Variants in CTBP2 observed in about 807,000 individuals in gnomAD.
CTBP2 encodes C-terminal-binding protein 2.
In CTBP2, 30 loss-of-function variants were observed where a neutral mutation model predicts 80.3. The observed-to-expected ratio is 0.37, with a 90% CI of 0.28 to 0.51. The LOEUF (loss-of-function observed/expected upper bound fraction) is 0.51, where lower values mean the gene tolerates loss of function less well. Ranked by LOEUF, CTBP2 falls within the 20% of genes least tolerant of loss-of-function variation. CTBP2 has a pLI of 0.93. For missense variants in CTBP2, 1,212 were observed against 1,375.3 expected, an observed-to-expected ratio of 0.88 and a Z score of 1.88; for synonymous variants, 594 against 587.4, an observed-to-expected ratio of 1.01 and a Z score of -0.16.
chr10:125,007,209 A>G (rs150784575), intron 1 of CTBP2, among the ~76,000 whole-genome samples: 206 of 152,348 alleles, frequency 1.4e-3, no homozygotes, highest in African/African-American at 4.7e-3. Context: ...GCTTGCCCAC[A>G]TTAACTGTGT....
intron 1 of CTBP2, among the ~76,000 whole-genome samples, chr10:125,116,754 G>A (rs187854540): frequency 3.3e-5 from 5 of 152,256 alleles, no homozygotes; most frequent in East Asian, 3.9e-4. Context: ...GTCCCTGAGC[G>A]GATGGCATGG....
At chr10:124,999,095 G>C (rs2134206988) in intron 3 of CTBP2, 1 of 152,438 alleles carries the variant, frequency 6.6e-6, no homozygotes, top group East Asian at 1.9e-4. Context: ...GACAGGTGGA[G>C]ATCCAGAGGC....
chr10:125,038,885 G>T, intron 3 of CTBP2, 112 bp downstream of exon 3: 1 of 1,059,688 alleles, frequency 9.4e-7, no homozygotes, highest in East Asian at 2.4e-5. Flanking sequence ...TGTTGGAATC[G>T]GAGGAGGGAC....
chr10:125,129,625 G>C (rs137982670), intron 1 of CTBP2, among the ~76,000 whole-genome samples: 129 of 152,188 alleles, frequency 8.5e-4, no homozygotes, highest in African/African-American at 2.9e-3. Context: ...CCACCTGTCC[G>C]GTTTTCCTAA....
chr10:125,082,183 C>G (rs547533228), intron 2 of CTBP2, among the ~76,000 whole-genome samples: 1 of 152,238 alleles, frequency 6.6e-6, no homozygotes, highest in Admixed American at 6.5e-5. Flanking sequence ...CTCCTCCCCC[C>G]AGGCAGCCTG....
intron 4 of CTBP2, 180 bp downstream of exon 6, chr10:124,997,784 G>T: frequency 1.6e-6 from 1 of 621,322 alleles, no homozygotes; most frequent in Non-Finnish European, 2.8e-6. Context: ...CCTGCCTCTA[G>T]GGTGAGTTGC....
chr10:125,100,079 G>T (rs1441368664), intron 2 of CTBP2, among the ~76,000 whole-genome samples: 1 of 152,152 alleles, frequency 6.6e-6, no homozygotes, highest in Non-Finnish European at 1.5e-5. Flanking sequence ...CTGTGTTAAC[G>T]GCATGCACAG....
chr10:125,047,048 T>C (rs1961436869), intron 2 of CTBP2, among the ~76,000 whole-genome samples: 1 of 152,198 alleles, frequency 6.6e-6, no homozygotes, highest in Non-Finnish European at 1.5e-5. Context: ...CTAAAGAAAA[T>C]GAGCCATTCT....
chr10:125,089,055 A>T (rs553623696), intron 2 of CTBP2, among the ~76,000 whole-genome samples: 65 of 152,364 alleles, frequency 4.3e-4, no homozygotes, highest in African/African-American at 1.5e-3. Context: ...GCCATGTTCT[A>T]ATTTCTTTAA....
chr10:125,027,935 A>T lies in CTBP2; in HGVS notation c.-176T>A. The T allele has an allele frequency of 7.1e-7, 1 of 1,417,022 alleles. No homozygotes were observed. 87.8% of individuals were successfully genotyped at this position (1,417,022 alleles called of 1,614,324 possible). ...TGAATTATTAATCCTCCGAAACCTT[A>T]GCAGACAAAACATAAGACTCACGGT... On this transcript the variant is annotated 5_prime_UTR_variant, in exon 1 of 9. Coordinates refer to ENST00000309035, the MANE Select transcript of CTBP2 (RefSeq NM_022802.3).
intron 1 of CTBP2, chr10:125,005,525 G>A (rs1253143170): frequency 1.3e-6 from 2 of 1,596,294 alleles, no homozygotes; most frequent in East Asian, 4.5e-5. Flanking sequence ...AGGGACGAGG[G>A]CCAACACCCC....
At chr10:124,998,421 A>C (rs1335553096) in intron 3 of CTBP2, 3 of 530,616 alleles carry the variant, frequency 5.7e-6, no homozygotes, top group Admixed American at 6.5e-5. Flanking sequence ...CTCATGACCA[A>C]CCCAACTCCT....
chr10:125,126,755 A>T (rs1320252915), intron 1 of CTBP2, among the ~76,000 whole-genome samples: 5 of 152,188 alleles, frequency 3.3e-5, no homozygotes, highest in African/African-American at 9.7e-5. Context: ...ATACAGACAC[A>T]CATATACACA....
chr10:125,075,916 A>C (rs1385562011), intron 2 of CTBP2, among the ~76,000 whole-genome samples: 1 of 152,196 alleles, frequency 6.6e-6, no homozygotes, highest in African/African-American at 2.4e-5. Context: ...ATGGGCCAGC[A>C]ATCTTCTTCT....
rs1352571236 is a variant in CTBP2 at position 124,988,919 on chromosome 10, T to C, written c.*599A>G. ...TTTTTGCATCATCAGAGGGTTTTAC[T>C]GAACTTACAACCGACTTGCCCGCTC... On this transcript the variant is annotated 3_prime_UTR_variant, in exon 9 of 9. Transcript: ENST00000309035. 4.0e-5 allele frequency: 6 copies of C among 151,882 alleles called. No individual in the cohort carries two copies. Among genetic ancestry groups the C allele is most frequent in the African/African-American group, 1.5e-4 (6 of 41,198 alleles). The allele number at this position is 151,882 out of a possible 1,614,324, so 9.4% of individuals were successfully genotyped here.
At position 124,997,968 on chromosome 10, in the gene CTBP2, G is replaced by A. The variant is rs772939427; in HGVS notation, c.2181C>T (p.Gly727=). The A allele has an allele frequency of 8.1e-6, 13 of 1,611,846 alleles. No individual in the cohort carries two copies. In the South Asian group the frequency reaches 1.4e-4, roughly 18 times the overall value. Residue 727 remains glycine (G), a synonymous_variant, in exon 4 of 9, where the codon GGC becomes GGT. Coordinates refer to ENST00000309035, the MANE Select transcript of CTBP2 (RefSeq NM_022802.3). Reference sequence around the variant, plus strand: ...AGCGCAGAGGGTGGCACGTACCAAAGCCAATGAGGCCCAGCGTCTCCCCAC... The same window carrying A: ...AGCGCAGAGGGTGGCACGTACCAAAACCAATGAGGCCCAGCGTCTCCCCAC...
In CTBP2 at chr10:125,027,378, G is replaced by A. The variant is rs762764787; in HGVS notation, c.382C>T (p.Arg128Trp). 7.6e-5 allele frequency: 122 copies of A among 1,613,570 alleles called. No homozygotes were observed. Among genetic ancestry groups the A allele is most frequent in the Non-Finnish European group, 1.0e-4 (118 of 1,179,990 alleles). ...ACCGGCCGGCTGACTCCTGGGTCCC[G>A]ATAGAGGGGAGGCTCTTTGGGTACC... The change falls in exon 1 of 9, where the codon CGG becomes TGG. Residue 128 changes from arginine to tryptophan, a missense_variant. This residue lies in a region of CTBP2 where 848 missense variants were observed against 782.3 expected (regional missense o/e 1.08). Coordinates refer to ENST00000309035, the MANE Select transcript of CTBP2 (RefSeq NM_022802.3).
At chr10:125,132,996 G>A (rs1312742237) in intron 1 of CTBP2, among the ~76,000 whole-genome samples, 1 of 152,200 alleles carries the variant, frequency 6.6e-6, no homozygotes, top group Non-Finnish European at 1.5e-5. Flanking sequence ...AAGGAGAGAA[G>A]AATCAAAATG....
At chr10:125,005,513 G>T in intron 1 of CTBP2, 1 of 1,575,112 alleles carries the variant, frequency 6.3e-7, no homozygotes, top group Admixed American at 1.8e-5. Context: ...GGAAAATAAG[G>T]CAGGGACGAG....
Sources: allele counts gnomAD v4.1 joint callset (sites outside exome capture counted in the v4.1 genomes callset), GRCh38; gene constraint gnomAD v4.1.1; regional missense constraint gnomAD v4.1.1; transcripts MANE v1.5; gene names NCBI Gene and HGNC (gene_info 2026-07-23, HGNC 2026-07-21).